Variants in CNOT6L observed in about 807,000 individuals in gnomAD.
CNOT6L encodes CCR4-NOT transcription complex subunit 6 like.
A neutral mutation model predicts 64.0 loss-of-function variants in CNOT6L; 7 were observed. The ratio of observed to expected loss-of-function variants is 0.11; its 90% CI spans 0.06 to 0.21. The LOEUF (loss-of-function observed/expected upper bound fraction) is 0.21. CNOT6L is among the 10% of genes least tolerant of loss of function. CNOT6L has a pLI of 1.00. For synonymous variants in CNOT6L, 193 were observed against 243.4 expected, an observed-to-expected ratio of 0.79 and a Z score of 1.93; for missense variants, 245 against 669.0, an observed-to-expected ratio of 0.37 and a Z score of 6.99.
intron 1 of CNOT6L, among the ~76,000 whole-genome samples, chr4:77,814,032 T>C (rs1180663891): frequency 6.6e-6 from 1 of 152,210 alleles, no homozygotes; most frequent in Non-Finnish European, 1.5e-5. Context: ...TGTATTCTTA[T>C]GCTGACATAC....
intron 11 of CNOT6L, among the ~76,000 whole-genome samples, chr4:77,725,449 C>T (rs1332527951): frequency 6.6e-6 from 1 of 152,194 alleles, no homozygotes; most frequent in Non-Finnish European, 1.5e-5. Context: ...GCTACAGGTA[C>T]ACAGAGTGAT....
intron 8 of CNOT6L, among the ~76,000 whole-genome samples, chr4:77,738,811 T>C (rs931813505): frequency 2.1e-4 from 31 of 150,854 alleles, no homozygotes; most frequent in African/African-American, 7.5e-4. Context: ...ATTATATACA[T>C]ATAAGAAACA....
intron 8 of CNOT6L, among the ~76,000 whole-genome samples, chr4:77,737,209 C>G (rs1723052709): frequency 6.6e-6 from 1 of 152,122 alleles, no homozygotes; most frequent in African/African-American, 2.4e-5. Flanking sequence ...CTGACCCTTT[C>G]TGGATCACAT....
intron 11 of CNOT6L, among the ~76,000 whole-genome samples, chr4:77,724,330 AC>A (rs1229755952): frequency 7.0e-6 from 1 of 143,676 alleles, no homozygotes; most frequent in African/African-American, 2.6e-5. Flanking sequence ...ACAGAGTGAG[AC>A]CCTGTCTCAA....
rs1289790077 is a variant in CNOT6L, at chr4:77,779,070, A to C, written c.6-2678T>G. Among the ~76,000 whole-genome samples, 13 of 106,206 alleles carry C rather than the reference A, an allele frequency of 1.2e-4. 1 individual carries two copies. The East Asian group carries it at 2.2e-3, about 18-fold the overall frequency. 69.7% of individuals were successfully genotyped at this position (106,206 alleles called of 152,430 possible). A position where few individuals can be genotyped will look rare whatever the true frequency, so the allele number is the denominator to read the frequency against. On this transcript the variant is annotated intron_variant, in intron 1 of 11. Coordinates refer to ENST00000504123, the MANE Select transcript of CNOT6L (RefSeq NM_144571.3). ...TCAAAAAAAAAAAAAAAACAAAAAAAAAACACAAAAAACACACAGGCATAG... is the reference window on the plus strand; with the variant it reads ...TCAAAAAAAAAAAAAAAACAAAAAACAAACACAAAAAACACACAGGCATAG...
chr4:77,779,069 AAAAACAC>A (rs1560420007), intron 1 of CNOT6L, among the ~76,000 whole-genome samples: 25 of 106,086 alleles, frequency 2.4e-4, no homozygotes, highest in South Asian at 5.7e-4. Flanking sequence ...AAAACAAAAA[AAAAACAC>A]AAAAAACACA....
rs1334235276 is a variant in CNOT6L, at chr4:77,713,722, G to C, written c.*6709C>G. 2 of 152,394 alleles carry C rather than the reference G, an allele frequency of 1.3e-5. No individual in the cohort carries two copies. Among genetic ancestry groups the C allele is most frequent in the African/African-American group, 4.8e-5 (2 of 41,360 alleles). 9.4% of individuals were successfully genotyped at this position (152,394 alleles called of 1,614,324 possible). A position where few individuals can be genotyped will look rare whatever the true frequency, so the allele number is the denominator to read the frequency against. ...AAAAACATCTCAGCTGAGCAGTTTT[G>C]GTCAAGATTCAGACCTCATCAACTG... On this transcript the variant is annotated 3_prime_UTR_variant, in exon 12 of 12. Transcript: ENST00000504123.
At chr4:77,808,078 A>C (rs1280407874) in intron 1 of CNOT6L, among the ~76,000 whole-genome samples, 1 of 152,210 alleles carries the variant, frequency 6.6e-6, no homozygotes, top group East Asian at 1.9e-4. Context: ...GATTGTTAAA[A>C]AACAAAAAAA....
At chr4:77,789,842 T>C (rs2110105451) in intron 1 of CNOT6L, among the ~76,000 whole-genome samples, 1 of 151,566 alleles carries the variant, frequency 6.6e-6, no homozygotes, top group Admixed American at 6.6e-5. Context: ...TCTCAGCTAC[T>C]TGGGAAGCTG....
intron 7 of CNOT6L, among the ~76,000 whole-genome samples, chr4:77,743,721 G>A (rs139886635): frequency 6.8e-6 from 1 of 147,430 alleles, no homozygotes; most frequent in East Asian, 2.1e-4. Context: ...CATGCCTCAG[G>A]CTCCCAAGTA....
intron 1 of CNOT6L, among the ~76,000 whole-genome samples, chr4:77,795,959 T>C (rs1040833644): frequency 2.6e-5 from 4 of 152,192 alleles, no homozygotes; most frequent in Non-Finnish European, 5.9e-5. Flanking sequence ...TGGTTTTTTT[T>C]TATTCATTGA....
intron 1 of CNOT6L, among the ~76,000 whole-genome samples, chr4:77,818,740 G>A (rs1053705531): frequency 1.3e-5 from 2 of 152,016 alleles, no homozygotes; most frequent in Non-Finnish European, 2.9e-5. Context: ...CCAGGCCCGA[G>A]GCAGCGCCGT....
At chr4:77,809,678 T>G (rs1326598809) in intron 1 of CNOT6L, among the ~76,000 whole-genome samples, 1 of 152,104 alleles carries the variant, frequency 6.6e-6, no homozygotes, top group Non-Finnish European at 1.5e-5. Context: ...TAGAGAGACA[T>G]TAAGGTTGGG....
chr4:77,801,421 TA>T (rs1731534278), intron 1 of CNOT6L, among the ~76,000 whole-genome samples: 1 of 152,164 alleles, frequency 6.6e-6, no homozygotes, highest in Admixed American at 6.6e-5. Context: ...TTTTGTTACT[TA>T]AAACTCATTA....
rs940666333 is a variant in CNOT6L at position 77,763,508 on chromosome 4, T to C, written c.401-6557A>G. Among the ~76,000 whole-genome samples the C allele has an allele frequency of 2.6e-5, 4 of 152,044 alleles. No homozygotes were observed. The East Asian group carries it at 5.8e-4, about 22-fold the overall frequency. ...TACCTAATAAAATAAACCCAAGATA[T>C]GTAGAGCAAAAACTGACTGAACTAC... On this transcript the variant is annotated intron_variant, in intron 4 of 11. Coordinates refer to ENST00000504123, the MANE Select transcript of CNOT6L (RefSeq NM_144571.3).
chr4:77,784,559 G>A (rs901705050), intron 1 of CNOT6L, among the ~76,000 whole-genome samples: 6 of 150,994 alleles, frequency 4.0e-5, no homozygotes, highest in East Asian at 1.9e-4. Context: ...GTGCAGTGTG[G>A]TGCAGCCTCA....
rs1357018504 is a variant in CNOT6L at position 77,726,054 on chromosome 4, A to G, written c.1455+113T>C. The G allele has an allele frequency of 4.5e-5, 44 of 975,108 alleles. No homozygotes were observed. In the East Asian group the frequency reaches 9.8e-4, roughly 22 times the overall value. The allele number at this position is 975,108 out of a possible 1,614,324, so 60.4% of individuals were successfully genotyped here. ...GTGCATACTTAGCCTAGACATTTTA[A>G]GAATCTAAAAATTCCTGAAGATTAT... On this transcript the variant is annotated intron_variant, in intron 11 of 11. Coordinates refer to ENST00000504123, the MANE Select transcript of CNOT6L (RefSeq NM_144571.3).
At chr4:77,814,970 G>C (rs1733398656) in intron 1 of CNOT6L, among the ~76,000 whole-genome samples, 1 of 152,118 alleles carries the variant, frequency 6.6e-6, no homozygotes. Flanking sequence ...TTAAGCCTCT[G>C]TTGTTTACTT....
At chr4:77,807,085 C>G (rs552578769) in intron 1 of CNOT6L, among the ~76,000 whole-genome samples, 2 of 151,956 alleles carry the variant, frequency 1.3e-5, no homozygotes, top group Admixed American at 6.5e-5. Context: ...CCATGTTGGC[C>G]AGGATGGTCT....
Sources: allele counts gnomAD v4.1 joint callset (sites outside exome capture counted in the v4.1 genomes callset), GRCh38; gene constraint gnomAD v4.1.1; transcripts MANE v1.5; gene names NCBI Gene and HGNC (gene_info 2026-07-23, HGNC 2026-07-21).